The following ENTREP2 variants were observed in gnomAD, a reference collection of about 807,000 sequenced individuals.
ENTREP2 encodes the protein endosomal transmembrane epsin interactor 2.
chr15:29,126,550 C>A, the ENTREP2 span: 1 of 1,430,724 alleles, frequency 7.0e-7, no homozygotes, highest in Non-Finnish European at 9.5e-7. Context: ...TGGCGTGGGA[C>A]AGGCCTGCCC....
the ENTREP2 span, among the ~76,000 whole-genome samples, chr15:29,139,773 C>T: frequency 6.6e-6 from 1 of 152,194 alleles, no homozygotes; most frequent in Admixed American, 6.5e-5. Flanking sequence ...ATCCTTTGAC[C>T]TTGACTCCTC....
the ENTREP2 span, among the ~76,000 whole-genome samples, chr15:29,508,703 C>T: frequency 6.6e-6 from 1 of 152,160 alleles, no homozygotes; most frequent in African/African-American, 2.4e-5. Context: ...ATTCAACACC[C>T]CTTCATGCTA....
chr15:29,325,029 A>T, the ENTREP2 span, among the ~76,000 whole-genome samples: 1 of 152,238 alleles, frequency 6.6e-6, no homozygotes, highest in Admixed American at 6.5e-5. Flanking sequence ...AGAAATCACT[A>T]ACAGAAAAAG....
chr15:29,598,978 G>A, the ENTREP2 span, among the ~76,000 whole-genome samples: 1 of 152,228 alleles, frequency 6.6e-6, no homozygotes, highest in Non-Finnish European at 1.5e-5. Flanking sequence ...TTACAGGCAT[G>A]AGCCACGGCG....
the ENTREP2 span, among the ~76,000 whole-genome samples, chr15:29,367,600 C>A: frequency 6.6e-6 from 1 of 152,128 alleles, no homozygotes; most frequent in Non-Finnish European, 1.5e-5. Flanking sequence ...TACAGAGTGC[C>A]ACATGCATGC....
the ENTREP2 span, among the ~76,000 whole-genome samples, chr15:29,636,624 C>T: frequency 1.8e-4 from 27 of 152,346 alleles, 1 homozygote; most frequent in South Asian, 4.4e-3. Flanking sequence ...TACGACGCTC[C>T]TGCCACCATC....
At chr15:29,438,701 G>A in the ENTREP2 span, among the ~76,000 whole-genome samples, 3 of 152,064 alleles carry the variant, frequency 2.0e-5, no homozygotes, top group Non-Finnish European at 4.4e-5. Context: ...GTTTTTTGCT[G>A]AAGGCTGTCT....
chr15:29,671,682 G>A, the ENTREP2 span, among the ~76,000 whole-genome samples: 1 of 152,062 alleles, frequency 6.6e-6, no homozygotes, highest in South Asian at 2.1e-4. Context: ...GGTCCCAATG[G>A]GCCTTTATTA....
the ENTREP2 span, among the ~76,000 whole-genome samples, chr15:29,667,700 T>G: frequency 8.6e-5 from 13 of 151,990 alleles, no homozygotes; most frequent in Non-Finnish European, 1.0e-4. Context: ...TTCACCATGT[T>G]GGCCAGGCTG....
At chr15:29,407,414 A>C in the ENTREP2 span, among the ~76,000 whole-genome samples, 1 of 152,202 alleles carries the variant, frequency 6.6e-6, no homozygotes, top group Non-Finnish European at 1.5e-5. Context: ...GCTCTCCAAC[A>C]GCCCTGAGGT....
At chr15:29,368,422 CCT>C in the ENTREP2 span, among the ~76,000 whole-genome samples, 10 of 151,210 alleles carry the variant, frequency 6.6e-5, no homozygotes, top group African/African-American at 2.4e-4. Flanking sequence ...ATATATGACC[CCT>C]GAGAAAGGCA....
At chr15:29,356,261 T>TGA in the ENTREP2 span, among the ~76,000 whole-genome samples, 2 of 87,902 alleles carry the variant, frequency 2.3e-5, no homozygotes, top group African/African-American at 1.3e-4. Flanking sequence ...TATATATGTG[T>TGA]GTGTGTGTAT....
chr15:29,566,752 CCAGT>C, the ENTREP2 span, among the ~76,000 whole-genome samples: 3 of 151,994 alleles, frequency 2.0e-5, no homozygotes, highest in Non-Finnish European at 2.9e-5. Context: ...CCAACCATGC[CCAGT>C]CACTTTTTTA....
the ENTREP2 span, among the ~76,000 whole-genome samples, chr15:29,444,218 G>GA: frequency 1.4e-4 from 21 of 148,246 alleles, no homozygotes; most frequent in African/African-American, 3.9e-4. Flanking sequence ...AAGAAAGAAA[G>GA]AAAGAAAGAA....
At chr15:29,405,232 T>C in the ENTREP2 span, among the ~76,000 whole-genome samples, 6 of 151,928 alleles carry the variant, frequency 3.9e-5, no homozygotes, top group African/African-American at 9.7e-5. Context: ...CTACTAAAAC[T>C]ATAAAAATTA....
chr15:29,583,378 C>G, the ENTREP2 span, among the ~76,000 whole-genome samples: 1 of 152,160 alleles, frequency 6.6e-6, no homozygotes, highest in Non-Finnish European at 1.5e-5. Flanking sequence ...CCTCAGCAAA[C>G]TAATGCAAGA....
At chr15:29,199,504 C>T in the ENTREP2 span, among the ~76,000 whole-genome samples, 460 of 152,244 alleles carry the variant, frequency 3.0e-3, 11 homozygotes, top group African/African-American at 3.1e-3. Context: ...GCTGACAGAA[C>T]GCTTGATGGG....
chr15:29,382,442 C>T, the ENTREP2 span, among the ~76,000 whole-genome samples: 1 of 151,994 alleles, frequency 6.6e-6, no homozygotes, highest in African/African-American at 2.4e-5. Flanking sequence ...CCCCTCCAGC[C>T]CCTGCGAGCC....
the ENTREP2 span, among the ~76,000 whole-genome samples, chr15:29,199,242 TG>T: frequency 6.6e-6 from 1 of 152,204 alleles, no homozygotes; most frequent in South Asian, 2.1e-4. Flanking sequence ...CTCCACATCC[TG>T]GCTTGTGCTT....
Sources: gnomAD v4.1 joint callset for allele counts (sites outside exome capture counted in the v4.1 genomes callset) on GRCh38, gnomAD v4.1.1 for gene constraint, MANE v1.5 for transcripts, NCBI Gene and HGNC (gene_info 2026-07-23, HGNC 2026-07-21) for gene names.